PCSK5: variants seen among roughly 807,000 people sequenced by gnomAD.
PCSK5 encodes the protein prohormone convertase 5.
A neutral mutation model predicts 233.2 loss-of-function variants in PCSK5; 129 were observed. The observed-to-expected ratio is 0.55, with a 90% CI of 0.48 to 0.64. The LOEUF is 0.64. Among genes scored for constraint, PCSK5 ranks in the 30% least tolerant of loss-of-function variants. PCSK5 has a pLI of 0.00. For synonymous variants in PCSK5, 825 were observed against 879.2 expected (o/e 0.94, Z 1.09); for missense variants, 2,076 against 2,430.1 (o/e 0.85, Z 3.06).
intron 24 of PCSK5, among the ~76,000 whole-genome samples, chr9:76,243,165 A>G (rs571953453): frequency 6.6e-6 from 1 of 152,366 alleles, no homozygotes; most frequent in African/African-American, 2.4e-5. Flanking sequence ...CCTTGCAAAA[A>G]AAGATAGATT....
intron 19 of PCSK5, 102 bp downstream of exon 19, chr9:76,189,325 C>G: frequency 2.0e-6 from 2 of 1,011,436 alleles, no homozygotes; most frequent in Non-Finnish European, 3.0e-6. Context: ...AATGATAACA[C>G]TAGGTTTAAA....
chr9:75,957,402 C>T (rs1825141538), intron 2 of PCSK5, among the ~76,000 whole-genome samples: 2 of 152,070 alleles, frequency 1.3e-5, no homozygotes, highest in Non-Finnish European at 2.9e-5. Context: ...GTATAAACAC[C>T]AGGCAGTGTT....
intron 34 of PCSK5, among the ~76,000 whole-genome samples, chr9:76,337,286 C>G (rs1829704055): frequency 6.6e-6 from 1 of 151,360 alleles, no homozygotes; most frequent in Admixed American, 6.6e-5. Context: ...GCCTCAGCCA[C>G]CCAAGTAGCT....
chr9:76,220,509 C>T (rs924258509), intron 20 of PCSK5, among the ~76,000 whole-genome samples: 3 of 131,444 alleles, frequency 2.3e-5, no homozygotes, highest in Non-Finnish European at 3.1e-5. Context: ...CCTGGGCGAC[C>T]GAGCAAGACT....
Position 75,916,428 on chromosome 9 carries a change from G to A in PCSK5, c.193-15951G>A, listed in dbSNP as rs149534323. On this transcript the variant is annotated intron_variant, in intron 1 of 37. Transcript: ENST00000674117. ...CACTCTATCCCACCCACTGTGATAG[G>A]TGCTGGCAATATAGCGGTGTTTTTA... Among the ~76,000 whole-genome samples, 226 of 152,260 alleles carry A rather than the reference G, an allele frequency of 1.5e-3. 1 individual carries two copies. The highest frequency in any genetic ancestry group is 5.2e-3 in the African/African-American group (218 of 41,546).
intron 9 of PCSK5, among the ~76,000 whole-genome samples, chr9:76,118,652 G>A (rs1832522096): frequency 6.7e-6 from 1 of 149,286 alleles, no homozygotes; most frequent in Non-Finnish European, 1.5e-5. Context: ...TTAAAATGTA[G>A]GTGTTTATTT....
chr9:76,308,597 G>A (rs375360383), intron 28 of PCSK5, 48 bp from the exon 29 acceptor site: 2 of 1,039,618 alleles, frequency 1.9e-6, no homozygotes, highest in Non-Finnish European at 3.0e-6. Context: ...GGAATCCTAT[G>A]TGCCTATTCC....
intron 9 of PCSK5, among the ~76,000 whole-genome samples, chr9:76,116,988 C>T (rs368020477): frequency 1.1e-4 from 14 of 128,120 alleles, no homozygotes; most frequent in East Asian, 9.2e-4. Flanking sequence ...TGAGATATCG[C>T]GCCAACAAGT....
intron 24 of PCSK5, among the ~76,000 whole-genome samples, chr9:76,282,776 A>G (rs914873818): frequency 4.6e-5 from 7 of 152,230 alleles, no homozygotes; most frequent in East Asian, 3.9e-4. Flanking sequence ...GCCATTGCCC[A>G]TCTCCCATAG....
intron 24 of PCSK5, among the ~76,000 whole-genome samples, chr9:76,255,697 C>A (rs537621439): frequency 6.6e-6 from 1 of 151,966 alleles, no homozygotes; most frequent in Non-Finnish European, 1.5e-5. Context: ...TAGCCTGGTG[C>A]GGTTACACGC....
chr9:75,893,071 C>T (rs543631121), intron 1 of PCSK5, among the ~76,000 whole-genome samples: 4 of 151,106 alleles, frequency 2.6e-5, no homozygotes, highest in African/African-American at 9.7e-5. Context: ...CTGCCTATGC[C>T]CTGGGAATGG....
At chr9:76,294,829 G>A (rs867669913) in intron 25 of PCSK5, among the ~76,000 whole-genome samples, 2 of 152,110 alleles carry the variant, frequency 1.3e-5, no homozygotes, top group African/African-American at 4.8e-5. Context: ...AACAGACCAA[G>A]CCTGAAATTC....
intron 6 of PCSK5, among the ~76,000 whole-genome samples, chr9:76,071,218 A>G (rs942244604): frequency 6.6e-6 from 1 of 152,230 alleles, no homozygotes; most frequent in Non-Finnish European, 1.5e-5. Context: ...TAAATAACTT[A>G]GCAAAAAAAG....
intron 23 of PCSK5, among the ~76,000 whole-genome samples, chr9:76,240,136 G>C (rs1826383575): frequency 6.6e-6 from 1 of 152,148 alleles, no homozygotes; most frequent in African/African-American, 2.4e-5. Flanking sequence ...TAAGAATTAT[G>C]CCCGGTCTGG....
rs116247457 is a variant in PCSK5, at chr9:76,252,848, T to C, written c.3142+12164T>C. 3.3e-3 allele frequency among the ~76,000 whole-genome samples: 500 copies of C among 152,300 alleles called. 2 individuals are homozygous for C. The highest frequency in any genetic ancestry group is 0.012 in the African/African-American group (487 of 41,554). ...AAAAGTATTGGCGATATGGAAGACA[T>C]GAAGTTCACTCTTTAATTTGCTATT... On this transcript the variant is annotated intron_variant, in intron 24 of 37. Coordinates refer to ENST00000674117, the MANE Select transcript of PCSK5 (RefSeq NM_001372043.1).
At chr9:76,053,067 G>A (rs1829689244) in intron 5 of PCSK5, among the ~76,000 whole-genome samples, 1 of 152,230 alleles carries the variant, frequency 6.6e-6, no homozygotes, top group Admixed American at 6.5e-5. Context: ...GCTTTGCAGG[G>A]TACAGCGCCC....
intron 7 of PCSK5, among the ~76,000 whole-genome samples, chr9:76,092,110 G>A (rs1831315320): frequency 6.6e-6 from 1 of 152,114 alleles, no homozygotes; most frequent in South Asian, 2.1e-4. Flanking sequence ...CTCAGGATGG[G>A]ATTTCAGGGG....
intron 5 of PCSK5, among the ~76,000 whole-genome samples, chr9:76,056,903 G>A (rs1226250816): frequency 6.6e-6 from 1 of 152,024 alleles, no homozygotes; most frequent in East Asian, 1.9e-4. Flanking sequence ...TATATAATGG[G>A]TTGTCTTCTG....
chr9:76,288,696 C>A (rs1564158722), intron 24 of PCSK5, among the ~76,000 whole-genome samples: 1 of 152,182 alleles, frequency 6.6e-6, no homozygotes, highest in Non-Finnish European at 1.5e-5. Flanking sequence ...TCTCACAGAG[C>A]AGTAAGAGGC....
Sources: gnomAD v4.1 joint callset for allele counts (sites outside exome capture counted in the v4.1 genomes callset) on GRCh38, gnomAD v4.1.1 for gene constraint, MANE v1.5 for transcripts, NCBI Gene and HGNC (gene_info 2026-07-23, HGNC 2026-07-21) for gene names.